The following TTLL11 variants were observed in gnomAD, a reference collection of about 807,000 sequenced individuals.
TTLL11 encodes tubulin tyrosine ligase like 11.
TTLL11 carries 42 observed loss-of-function variants against 51.7 expected under a neutral mutation model. The observed-to-expected ratio is 0.81, with a 90% confidence interval of 0.64 to 1.05. TTLL11 has a LOEUF of 1.05. TTLL11 is among the 50% of genes least tolerant of loss of function. The pLI is 0.00. For synonymous variants in TTLL11, 381 were observed against 383.5 expected (o/e 0.99, Z 0.08); for missense variants, 799 against 940.4 (o/e 0.85, Z 1.97).
chr9:122,038,738 G>A (rs572900118), intron 2 of TTLL11, among the ~76,000 whole-genome samples: 2 of 152,288 alleles, frequency 1.3e-5, no homozygotes, highest in South Asian at 4.1e-4. Context: ...TGCTGGCTAT[G>A]ATGCTTTTCT....
chr9:121,974,798 A>G (rs1842658598), intron 5 of TTLL11, 86 bp downstream of exon 5: 2 of 1,075,896 alleles, frequency 1.9e-6, no homozygotes, highest in South Asian at 3.0e-5. Context: ...GAGAATGTCC[A>G]ATCTTGTTTT....
chr9:121,854,609 ATGTT>A (rs1322601308), intron 8 of TTLL11, among the ~76,000 whole-genome samples: 2 of 152,182 alleles, frequency 1.3e-5, no homozygotes, highest in Non-Finnish European at 2.9e-5. Context: ...TGCGAGTAAA[ATGTT>A]TGTCTCTCAC....
At chr9:121,844,680 C>A (rs1287744807) in intron 8 of TTLL11, among the ~76,000 whole-genome samples, 1 of 151,920 alleles carries the variant, frequency 6.6e-6, no homozygotes, top group Admixed American at 6.6e-5. Context: ...CTCTAAGAAT[C>A]CAAAAGAAAT....
intron 6 of TTLL11, among the ~76,000 whole-genome samples, chr9:121,921,399 A>G (rs557775730): frequency 1.7e-4 from 26 of 152,306 alleles, no homozygotes; most frequent in Admixed American, 1.4e-3. Flanking sequence ...CAGAGCTTCA[A>G]GGAAGAGGGG....
chr9:122,014,429 T>C (rs1156850239), intron 3 of TTLL11, among the ~76,000 whole-genome samples: 1 of 152,198 alleles, frequency 6.6e-6, no homozygotes, highest in Non-Finnish European at 1.5e-5. Context: ...GTTCAGTGTT[T>C]CATTTCACTT....
At chr9:121,873,831 CTTTTTTTTT>C (rs71508142) in intron 6 of TTLL11, among the ~76,000 whole-genome samples, 2 of 77,392 alleles carry the variant, frequency 2.6e-5, no homozygotes, top group African/African-American at 5.9e-5. Flanking sequence ...ATTAGCCTGA[CTTTTTTTTT>C]TTTTTTTTTT....
chr9:122,061,455 G>A (rs1845430585), intron 1 of TTLL11, among the ~76,000 whole-genome samples: 1 of 152,034 alleles, frequency 6.6e-6, no homozygotes, highest in South Asian at 2.1e-4. Context: ...GTATCTCATT[G>A]AGCACATGGA....
At chr9:121,859,783 A>T (rs959153581) in intron 8 of TTLL11, among the ~76,000 whole-genome samples, 3 of 152,194 alleles carry the variant, frequency 2.0e-5, no homozygotes, top group African/African-American at 7.2e-5. Flanking sequence ...CGGCCAGGCA[A>T]TAGCCCTGCC....
At chr9:122,015,807 CA>C (rs11297849) in intron 3 of TTLL11, among the ~76,000 whole-genome samples, 27,184 of 94,424 alleles carry the variant, frequency 0.29, 2,536 homozygotes, top group Non-Finnish European at 0.33. Flanking sequence ...TCAAAAGAGA[CA>C]AAAAAAAAAA....
rs1836545746 is a variant in TTLL11 at position 121,820,537 on chromosome 9, G to T, written c.*2050C>A. 6.6e-6 allele frequency among the ~76,000 whole-genome samples: 1 copy of T among 152,164 alleles called. No homozygotes were observed. The highest frequency in any genetic ancestry group is 2.1e-4 in the South Asian group (1 of 4,832). On this transcript the variant is annotated 3_prime_UTR_variant, in exon 9 of 9. Coordinates refer to ENST00000321582, the MANE Select transcript of TTLL11 (RefSeq NM_001139442.2). Reference sequence around the variant, plus strand: ...CATGACGGACCCCAGGCAGCCCCGAGCGGGGTAGCTGCAGGGTCTTTACTT... The same window carrying T: ...CATGACGGACCCCAGGCAGCCCCGATCGGGGTAGCTGCAGGGTCTTTACTT...
intron 8 of TTLL11, among the ~76,000 whole-genome samples, chr9:121,849,761 T>G (rs772127633): frequency 1.1e-4 from 16 of 152,292 alleles, no homozygotes; most frequent in Admixed American, 5.2e-4. Context: ...TTGACAAGGA[T>G]GTGGGGCAAA....
At chr9:122,019,792 C>T (rs1481701081) in intron 3 of TTLL11, among the ~76,000 whole-genome samples, 1 of 152,142 alleles carries the variant, frequency 6.6e-6, no homozygotes, top group East Asian at 1.9e-4. Flanking sequence ...CCTATAATTC[C>T]CATGTATTGT....
chr9:122,006,614 T>A (rs1843653725), intron 3 of TTLL11, among the ~76,000 whole-genome samples: 1 of 152,208 alleles, frequency 6.6e-6, no homozygotes, highest in Non-Finnish European at 1.5e-5. Flanking sequence ...AGTGGTAGCA[T>A]CTGACCACTT....
Position 122,037,679 on chromosome 9 carries a change from A to T in TTLL11, c.559+1593T>A, listed in dbSNP as rs944505680. Among the ~76,000 whole-genome samples, 7 of 152,298 alleles carry T rather than the reference A, an allele frequency of 4.6e-5. No homozygotes were observed. In the East Asian group the frequency reaches 1.3e-3, roughly 29 times the overall value. ...AGCCAAGAAAGACTCATATCCACCA[A>T]TGTGGATCTTGTCCTTTTGCACCTG... On this transcript the variant is annotated intron_variant, in intron 2 of 8. Coordinates refer to ENST00000321582, the MANE Select transcript of TTLL11 (RefSeq NM_001139442.2).
At chr9:121,892,213 C>CAT (rs973741054) in intron 6 of TTLL11, among the ~76,000 whole-genome samples, 42 of 110,138 alleles carry the variant, frequency 3.8e-4, no homozygotes, top group Admixed American at 1.3e-3. Context: ...TACATATATA[C>CAT]ATATATATAT....
rs71497050 is a variant in TTLL11 at position 121,995,919 on chromosome 9, C to A, written c.694-6149G>T. 2.6e-5 allele frequency among the ~76,000 whole-genome samples: 4 copies of A among 151,920 alleles called. No homozygotes were observed. In the South Asian group the frequency reaches 8.3e-4, roughly 31 times the overall value. On this transcript the variant is annotated intron_variant, in intron 3 of 8. Coordinates refer to ENST00000321582, the MANE Select transcript of TTLL11 (RefSeq NM_001139442.2). This position sits in a 1 kb window ranked among gnomAD's most constrained non-coding sequence, Gnocchi z 4.4. Reference sequence around the variant, plus strand: ...CAGACCTCTCAAGCTCCGTGGTGAGCGCGGGAACCACGGGCCCGTGAGAAG... The same window carrying A: ...CAGACCTCTCAAGCTCCGTGGTGAGAGCGGGAACCACGGGCCCGTGAGAAG...
At chr9:121,926,124 G>A (rs1840720768) in intron 6 of TTLL11, among the ~76,000 whole-genome samples, 1 of 152,128 alleles carries the variant, frequency 6.6e-6, no homozygotes, top group African/African-American at 2.4e-5. Flanking sequence ...CACACACTTT[G>A]AAGTTTGCCT....
At chr9:122,071,655 C>T (rs992150387) in intron 1 of TTLL11, among the ~76,000 whole-genome samples, 1 of 152,196 alleles carries the variant, frequency 6.6e-6, no homozygotes, top group African/African-American at 2.4e-5. Flanking sequence ...GCTTGACCTG[C>T]CACCCACAAA....
Position 121,897,640 on chromosome 9 carries a change from A to ACACACACACACACACACG in TTLL11, c.1482-26893_1482-26892insCGTGTGTGTGTGTGTGTG, listed in dbSNP as rs111331446. Among the ~76,000 whole-genome samples the ACACACACACACACACACG allele has an allele frequency of 5.6e-3, 776 of 139,344 alleles. 6 individuals carry two copies. The highest frequency in any genetic ancestry group is 0.011 in the African/African-American group (423 of 37,644). 91.4% of individuals were successfully genotyped at this position (139,344 alleles called of 152,430 possible). A position where few individuals can be genotyped will look rare whatever the true frequency, so the allele number is the denominator to read the frequency against. On this transcript the variant is annotated intron_variant, in intron 6 of 8. Coordinates refer to ENST00000321582, the MANE Select transcript of TTLL11 (RefSeq NM_001139442.2). ...CAGGCACACACACACACACACACAC[A>ACACACACACACACACACG]CGCGCGCGCGAAGTCTCCAACTGCC...
Sources: gnomAD v4.1 joint callset for allele counts (sites outside exome capture counted in the v4.1 genomes callset) on GRCh38, gnomAD v4.1.1 for gene constraint, Gnocchi (gnomAD v3.1) non-coding constraint, MANE v1.5 for transcripts, NCBI Gene and HGNC (gene_info 2026-07-23, HGNC 2026-07-21) for gene names.